Variants in ALK observed in about 807,000 individuals in gnomAD.
ALK encodes the protein ALK receptor tyrosine kinase, also known as ALK tyrosine kinase receptor.
A neutral mutation model predicts 163.1 loss-of-function variants in ALK; 74 were observed. The observed-to-expected ratio is 0.45, with a 90% CI of 0.38 to 0.55. ALK has a LOEUF of 0.55. Among genes scored for constraint, ALK ranks in the 20% least tolerant of loss-of-function variants. The pLI, the probability that ALK is intolerant of heterozygous loss-of-function variation, is 0.00. For missense variants in ALK, 2,063 were observed against 2,105.3 expected (o/e 0.98, Z 0.39); for synonymous variants, 960 against 843.2 (o/e 1.14, Z -2.40).
intron 1 of ALK, among the ~76,000 whole-genome samples, chr2:29,875,464 G>A (rs1666680000): frequency 6.6e-6 from 1 of 152,128 alleles, no homozygotes; most frequent in South Asian, 2.1e-4. Context: ...TGTGCTGAAT[G>A]TGCAGGTTTG....
At chr2:29,635,671 C>T (rs993914957) in intron 3 of ALK, among the ~76,000 whole-genome samples, 6 of 150,246 alleles carry the variant, frequency 4.0e-5, no homozygotes, top group Admixed American at 6.6e-5. Flanking sequence ...GGTGTGATCT[C>T]GGCTCACTGC....
In ALK at chr2:29,207,022, G is replaced by A. The variant is rs4666178; in HGVS notation, c.3938+149C>T. On this transcript the variant is annotated intron_variant, in intron 26 of 28. Coordinates refer to ENST00000389048, the MANE Select transcript of ALK (RefSeq NM_004304.5). ...TTTATGAATTCTGATAGATGCTCAC[G>A]TTTGAGAACCACTGTTGTCGGGTGT... The A allele has an allele frequency of 0.78, 551,086 of 703,112 alleles. 216,875 individuals carry two copies. Among genetic ancestry groups the A allele is most frequent in the East Asian group, 0.84 (31,484 of 37,432 alleles). 43.6% of individuals were successfully genotyped at this position (703,112 alleles called of 1,614,324 possible).
chr2:29,644,321 C>A (rs1344565521), intron 3 of ALK, among the ~76,000 whole-genome samples: 2 of 151,576 alleles, frequency 1.3e-5, no homozygotes, highest in African/African-American at 4.9e-5. Flanking sequence ...ATGGGTACAG[C>A]ACACCAACAT....
rs1669338877 is a variant in ALK at position 29,207,353 on chromosome 2, G to A, written c.3837-81C>T. On this transcript the variant is annotated intron_variant, in intron 25 of 28. Transcript: ENST00000389048. ...GCCCTGCTGGGAAAGTTGAGAAAGT[G>A]GCAACAATATAGTCTACCCATTAAA... 6.4e-6 allele frequency: 7 copies of A among 1,094,168 alleles called. No individual in the cohort carries two copies. In the South Asian group the frequency reaches 7.6e-5, roughly 12 times the overall value. The allele number at this position is 1,094,168 out of a possible 1,614,324, so 67.8% of individuals were successfully genotyped here. A position where few individuals can be genotyped will look rare whatever the true frequency, so the allele number is the denominator to read the frequency against.
intron 11 of ALK, among the ~76,000 whole-genome samples, chr2:29,257,179 C>T (rs1302918986): frequency 6.6e-6 from 1 of 151,980 alleles, no homozygotes; most frequent in Non-Finnish European, 1.5e-5. Context: ...GGAGGGACGT[C>T]ACCTGCCTCT....
rs1394078077 is a variant in ALK, at chr2:29,792,009, C to A, written c.668-74312G>T. On this transcript the variant is annotated intron_variant, in intron 1 of 28. Coordinates refer to ENST00000389048, the MANE Select transcript of ALK (RefSeq NM_004304.5). Reference sequence around the variant, plus strand: ...TGAGCTTATGAAATAAGAGTTGTAACCTTGAAGTGTCCATGTATAGGTTTA... The same window carrying A: ...TGAGCTTATGAAATAAGAGTTGTAAACTTGAAGTGTCCATGTATAGGTTTA... Among the ~76,000 whole-genome samples, 6 of 152,076 alleles carry A rather than the reference C, an allele frequency of 3.9e-5. No individual in the cohort carries two copies. The East Asian group carries it at 1.2e-3, about 29-fold the overall frequency.
At chr2:29,482,428 T>A (rs1671684202) in intron 4 of ALK, among the ~76,000 whole-genome samples, 1 of 152,128 alleles carries the variant, frequency 6.6e-6, no homozygotes, top group African/African-American at 2.4e-5. Context: ...GGGGGAAAGA[T>A]GCCTATGCCT....
At chr2:29,262,813 C>T (rs557130839) in intron 11 of ALK, among the ~76,000 whole-genome samples, 1 of 152,342 alleles carries the variant, frequency 6.6e-6, no homozygotes, top group South Asian at 2.1e-4. Context: ...AGCTCTGACA[C>T]CCAGTGATCT....
At chr2:29,534,164 T>C (rs1673190497) in intron 3 of ALK, among the ~76,000 whole-genome samples, 1 of 151,968 alleles carries the variant, frequency 6.6e-6, no homozygotes, top group African/African-American at 2.4e-5. Flanking sequence ...GAGCCAGATA[T>C]TTTGAGCAGG....
intron 4 of ALK, among the ~76,000 whole-genome samples, chr2:29,451,343 T>A (rs751165723): frequency 6.6e-6 from 1 of 152,172 alleles, no homozygotes; most frequent in Non-Finnish European, 1.5e-5. Flanking sequence ...GTTACTCCTT[T>A]GGTAAGAGCC....
chr2:29,385,962 G>A (rs903596109), intron 4 of ALK, among the ~76,000 whole-genome samples: 3 of 152,158 alleles, frequency 2.0e-5, no homozygotes, highest in Non-Finnish European at 2.9e-5. Flanking sequence ...TAGGCATATC[G>A]TCAATCCTGC....
chr2:29,417,857 T>A (rs1669918079), intron 4 of ALK, among the ~76,000 whole-genome samples: 1 of 152,214 alleles, frequency 6.6e-6, no homozygotes. Context: ...TATTGTAGCA[T>A]AACAGCATGC....
At chr2:29,526,182 C>A (rs1332171165) in intron 4 of ALK, among the ~76,000 whole-genome samples, 1 of 152,124 alleles carries the variant, frequency 6.6e-6, no homozygotes, top group Non-Finnish European at 1.5e-5. Context: ...ACTATCAGCA[C>A]CTGCTCTGCT....
chr2:29,877,538 T>C (rs1177031142), intron 1 of ALK, among the ~76,000 whole-genome samples: 1 of 152,216 alleles, frequency 6.6e-6, no homozygotes, highest in African/African-American at 2.4e-5. Context: ...CCCTAGCGCC[T>C]AGACCATGCC....
Position 29,574,391 on chromosome 2 carries a change from C to A in ALK, c.953-42275G>T, listed in dbSNP as rs149581855. 1.2e-4 allele frequency among the ~76,000 whole-genome samples: 19 copies of A among 152,368 alleles called. No individual in the cohort carries two copies. In the East Asian group the frequency reaches 3.3e-3, roughly 26 times the overall value. On this transcript the variant is annotated intron_variant, in intron 3 of 28. Transcript: ENST00000389048. ...GGGGTTAAGTATCACCAACATGGGCCTCTTCCCACCTGTCTGTGCTGGTGT... is the reference window on the plus strand; with the variant it reads ...GGGGTTAAGTATCACCAACATGGGCATCTTCCCACCTGTCTGTGCTGGTGT...
At chr2:29,616,271 GA>G in intron 3 of ALK, among the ~76,000 whole-genome samples, 1 of 152,328 alleles carries the variant, frequency 6.6e-6, no homozygotes, top group Admixed American at 6.5e-5. Flanking sequence ...CTACTGGCAG[GA>G]TTAAGGGAAG....
intron 8 of ALK, among the ~76,000 whole-genome samples, chr2:29,317,232 A>G (rs1666856709): frequency 6.6e-6 from 1 of 152,212 alleles, no homozygotes; most frequent in Non-Finnish European, 1.5e-5. Context: ...CAGGAAACAA[A>G]TTGCTCAGAG....
chr2:29,622,273 C>A (rs1676057634), intron 3 of ALK, among the ~76,000 whole-genome samples: 1 of 152,150 alleles, frequency 6.6e-6, no homozygotes. Flanking sequence ...CTAATAAAGA[C>A]ATATCCGAGA....
intron 3 of ALK, among the ~76,000 whole-genome samples, chr2:29,560,808 G>A (rs941281273): frequency 3.9e-5 from 6 of 152,050 alleles, no homozygotes; most frequent in Non-Finnish European, 5.9e-5. Flanking sequence ...CTGGACTCAA[G>A]TGATCCACCT....
Sources: gnomAD v4.1 joint callset for allele counts (sites outside exome capture counted in the v4.1 genomes callset) on GRCh38, gnomAD v4.1.1 for gene constraint, MANE v1.5 for transcripts, NCBI Gene and HGNC (gene_info 2026-07-23, HGNC 2026-07-21) for gene names.